SDK1: variants seen among roughly 807,000 people sequenced by gnomAD.
The protein encoded by SDK1 is protein sidekick-1.
Under a neutral mutation model 245.5 loss-of-function variants are expected in SDK1, and 157 were observed. That is an observed-to-expected ratio of 0.64 (90% CI 0.56 to 0.73). The LOEUF (loss-of-function observed/expected upper bound fraction) is 0.73, where lower values mean the gene tolerates loss of function less well. SDK1 is among the 30% of genes least tolerant of loss of function. The probability of loss-of-function intolerance (pLI) is 0.00; values close to 1 mark genes in which losing one functional copy is unlikely to be tolerated. For missense variants in SDK1, 3,583 were observed against 3,002.3 expected, an observed-to-expected ratio of 1.19 and a Z score of -4.52; for synonymous variants, 1,647 against 1,278.5, an observed-to-expected ratio of 1.29 and a Z score of -6.15.
intron 1 of SDK1, among the ~76,000 whole-genome samples, chr7:3,574,395 C>A (rs896471454): frequency 6.6e-6 from 1 of 152,100 alleles, no homozygotes; most frequent in African/African-American, 2.4e-5. Context: ...GGATTACAGG[C>A]ATGAGCCACC....
chr7:4,139,617 G>GTGTGTGTA (rs1562872270), intron 28 of SDK1, among the ~76,000 whole-genome samples: 14 of 50,550 alleles, frequency 2.8e-4, no homozygotes, highest in Non-Finnish European at 5.5e-4. Context: ...GTGTGTATAT[G>GTGTGTGTA]TGTGTGTGTA....
chr7:3,437,461 T>C (rs765998503), intron 1 of SDK1, among the ~76,000 whole-genome samples: 3 of 152,164 alleles, frequency 2.0e-5, no homozygotes, highest in Non-Finnish European at 4.4e-5. Flanking sequence ...CTCTATTTCA[T>C]GTGCCAGCAG....
At chr7:4,225,837 G>A (rs958246440) in intron 40 of SDK1, among the ~76,000 whole-genome samples, 3 of 152,028 alleles carry the variant, frequency 2.0e-5, no homozygotes, top group Non-Finnish European at 4.4e-5. Context: ...CAGCTTTTTC[G>A]GCGAGGGCTG....
chr7:3,889,610 C>T (rs1447364432), intron 5 of SDK1, among the ~76,000 whole-genome samples: 1 of 152,136 alleles, frequency 6.6e-6, no homozygotes, highest in Non-Finnish European at 1.5e-5. Flanking sequence ...CGGCTTCATG[C>T]CATTCTCCTG....
intron 5 of SDK1, among the ~76,000 whole-genome samples, chr7:3,943,444 G>C (rs1377102697): frequency 1.6e-4 from 1 of 6,118 alleles, no homozygotes; most frequent in Non-Finnish European, 3.3e-4. Flanking sequence ...TGCATATTCT[G>C]GTCTCCCTGC....
At chr7:3,441,376 A>G (rs1286282030) in intron 1 of SDK1, among the ~76,000 whole-genome samples, 2 of 151,996 alleles carry the variant, frequency 1.3e-5, no homozygotes, top group African/African-American at 4.8e-5. Context: ...TGTGGATCCA[A>G]AATCTCAAAA....
Position 4,017,241 on chromosome 7 carries a change from C to G in SDK1, c.2491C>G (p.Leu831Val). 4 of 1,614,156 alleles carry G rather than the reference C, an allele frequency of 2.5e-6. No homozygotes were observed. Among genetic ancestry groups the G allele is most frequent in the Non-Finnish European group, 3.4e-6 (4 of 1,180,016 alleles). The change falls in exon 17 of 45, where the codon CTG becomes GTG. Residue 831 changes from leucine (L) to valine (V), a missense_variant. Leu to Val is a conservative substitution (Grantham distance 32). Coordinates refer to ENST00000404826, the MANE Select transcript of SDK1 (RefSeq NM_152744.4). ...NITSPEVNYC[L>V]VTDLIIWTQY... ...CACCAGCCCGGAGGTGAACTACTGC[C>G]TGGTGACAGACCTGATCATCTGGAC... is the stretch of plus-strand genomic sequence containing the variant.
In SDK1 at chr7:4,237,782, C is replaced by G. The variant is rs1432395738; in HGVS notation, c.6128C>G (p.Thr2043Arg). Residue 2043 changes from threonine to arginine, a missense_variant and splice_region_variant, in exon 42 of 45, where the codon ACA becomes AGA. By Grantham distance (71) the Thr-to-Arg change is moderately conservative (BLOSUM62 -1). Coordinates refer to ENST00000404826, the MANE Select transcript of SDK1 (RefSeq NM_152744.4). ...GQNKKYKNCS[T>R]GKGISTMEES... The stretch of plus-strand genomic sequence containing the variant: ...AATAAGAAGTATAAGAACTGCAGCA[C>G]AGGTGCAGGTCCAGCCCCTTCCTCG... 2 of 1,614,156 alleles carry G rather than the reference C, an allele frequency of 1.2e-6. No individual in the cohort carries two copies. The highest frequency in any genetic ancestry group is 1.7e-6 in the Non-Finnish European group (2 of 1,180,026).
intron 25 of SDK1, among the ~76,000 whole-genome samples, chr7:4,117,383 G>T (rs1783781067): frequency 6.6e-6 from 1 of 152,160 alleles, no homozygotes; most frequent in South Asian, 2.1e-4. Context: ...CAGGAAGATG[G>T]CTTGGGCCTG....
intron 1 of SDK1, among the ~76,000 whole-genome samples, chr7:3,506,034 A>T (rs1782381024): frequency 6.6e-6 from 1 of 152,150 alleles, no homozygotes. Context: ...AATAAGAAAA[A>T]AATTCATTTG....
At chr7:3,584,320 C>A (rs1780612266) in intron 1 of SDK1, among the ~76,000 whole-genome samples, 1 of 152,138 alleles carries the variant, frequency 6.6e-6, no homozygotes. Flanking sequence ...TTGGCTTCCT[C>A]CTCCTTGCCT....
At chr7:3,810,404 C>A (rs13239154) in intron 4 of SDK1, among the ~76,000 whole-genome samples, 16,979 of 151,840 alleles carry the variant, frequency 0.11, 1,527 homozygotes, top group African/African-American at 0.25. Context: ...CTGCCTAAAC[C>A]TGGGCTCTGT....
At chr7:3,439,905 C>T (rs116638244) in intron 1 of SDK1, among the ~76,000 whole-genome samples, 1,515 of 148,738 alleles carry the variant, frequency 0.01, 24 homozygotes, top group African/African-American at 0.034. Flanking sequence ...ATAATAATTA[C>T]ATTAACTCCC....
rs186120274 is a variant in SDK1, at chr7:3,797,390, A to G, written c.714-24060A>G. 6.6e-4 allele frequency among the ~76,000 whole-genome samples: 99 copies of G among 150,440 alleles called. No homozygotes were observed. In the East Asian group the frequency reaches 0.018, roughly 27 times the overall value. On this transcript the variant is annotated intron_variant, in intron 4 of 44. Transcript: ENST00000404826. ...CACATATATAAATAAGCTAATGTAT[A>G]TTTTCTTATTTTTCTGTATAGTCAT...
At chr7:3,957,508 A>C (rs1199425377) in intron 7 of SDK1, among the ~76,000 whole-genome samples, 1 of 152,166 alleles carries the variant, frequency 6.6e-6, no homozygotes, top group Non-Finnish European at 1.5e-5. Context: ...GAAGAGGAAA[A>C]CTATAATTAA....
Position 4,267,604 on chromosome 7 carries a change from T to C in SDK1, c.*2220T>C. Reference sequence around the variant, plus strand: ...GGCCAGCGCTGCTTTCTGTGCACTCTGATGACTGCTCTCTGCAGCCATGAG... The same window carrying C: ...GGCCAGCGCTGCTTTCTGTGCACTCCGATGACTGCTCTCTGCAGCCATGAG... On this transcript the variant is annotated 3_prime_UTR_variant, in exon 45 of 45. Transcript: ENST00000404826. 3.0e-6 allele frequency: 3 copies of C among 985,458 alleles called. No homozygotes were observed. Among genetic ancestry groups the C allele is most frequent in the Non-Finnish European group, 3.6e-6 (3 of 829,940 alleles). The allele number at this position is 985,458 out of a possible 1,614,324, so 61.0% of individuals were successfully genotyped here.
chr7:4,156,091 C>A (rs867690274), intron 30 of SDK1, among the ~76,000 whole-genome samples: 13 of 152,244 alleles, frequency 8.5e-5, no homozygotes, highest in African/African-American at 2.9e-4. Flanking sequence ...TGCTATTAGC[C>A]CAGGTAAGGA....
chr7:4,146,454 C>T (rs1035563497), intron 29 of SDK1, among the ~76,000 whole-genome samples: 3 of 152,028 alleles, frequency 2.0e-5, no homozygotes, highest in Non-Finnish European at 2.9e-5. Context: ...CATTGCATAA[C>T]ACACTTTCAG....
At chr7:4,252,056 T>C (rs1451780087) in intron 44 of SDK1, among the ~76,000 whole-genome samples, 1 of 152,230 alleles carries the variant, frequency 6.6e-6, no homozygotes, top group African/African-American at 2.4e-5. Context: ...TGTATAATCC[T>C]TTCTCTTTTT....
Sources: allele counts gnomAD v4.1 joint callset (sites outside exome capture counted in the v4.1 genomes callset), GRCh38; gene constraint gnomAD v4.1.1; transcripts MANE v1.5; gene names NCBI Gene and HGNC (gene_info 2026-07-23, HGNC 2026-07-21).